SLCO1A2: variants seen among roughly 807,000 people sequenced by gnomAD.
SLCO1A2 encodes OATP-1.
SLCO1A2 carries 67 observed loss-of-function variants against 69.0 expected under a neutral mutation model. The observed-to-expected ratio is 0.97, with a 90% CI of 0.80 to 1.19. The LOEUF is 1.19. SLCO1A2 is among the 50% of genes most tolerant of loss of function. SLCO1A2 has a pLI of 0.00. For missense variants in SLCO1A2, 787 were observed against 793.7 expected (o/e 0.99, Z 0.10); for synonymous variants, 260 against 265.9 (o/e 0.98, Z 0.22).
chr12:21,366,458 C>T (rs1299694337), intron 2 of SLCO1A2, among the ~76,000 whole-genome samples: 2 of 151,924 alleles, frequency 1.3e-5, no homozygotes, highest in East Asian at 1.9e-4. Context: ...GACGAGTTGA[C>T]GGGTGCAGCA....
At chr12:21,353,591 G>T (rs1591872804) in intron 2 of SLCO1A2, among the ~76,000 whole-genome samples, 1 of 152,234 alleles carries the variant, frequency 6.6e-6, no homozygotes. Flanking sequence ...TCTCCCTTTT[G>T]GTTTAGCTCA....
intron 4 of SLCO1A2, among the ~76,000 whole-genome samples, chr12:21,307,455 T>C (rs1001510493): frequency 1.3e-5 from 2 of 152,134 alleles, no homozygotes; most frequent in African/African-American, 4.8e-5. Flanking sequence ...AACCGTACAA[T>C]AACTCCTCCA....
intron 14 of SLCO1A2, among the ~76,000 whole-genome samples, chr12:21,271,328 T>C (rs1942788465): frequency 6.6e-6 from 1 of 151,790 alleles, no homozygotes; most frequent in Non-Finnish European, 1.5e-5. Flanking sequence ...GAATTCAGCT[T>C]TGTTTACTCC....
intron 12 of SLCO1A2, among the ~76,000 whole-genome samples, chr12:21,285,215 A>G (rs1056002600): frequency 6.6e-6 from 1 of 151,966 alleles, no homozygotes; most frequent in African/African-American, 2.4e-5. Context: ...ACCATCAGAG[A>G]ATACTACAAA....
chr12:21,311,587 AT>A (rs1255262053), intron 4 of SLCO1A2: 1 of 151,178 alleles, frequency 6.6e-6, no homozygotes, highest in Non-Finnish European at 1.5e-5. Context: ...AACTAGATGC[AT>A]TGTCAATTAG....
At chr12:21,360,103 C>T (rs1207172318) in intron 2 of SLCO1A2, among the ~76,000 whole-genome samples, 1 of 151,382 alleles carries the variant, frequency 6.6e-6, no homozygotes, top group Non-Finnish European at 1.5e-5. Context: ...TCCATAGGAA[C>T]AAAACACACA....
chr12:21,289,028 A>G (rs954424597), intron 12 of SLCO1A2, among the ~76,000 whole-genome samples: 1 of 151,946 alleles, frequency 6.6e-6, no homozygotes, highest in Admixed American at 6.6e-5. Context: ...TACAAGCAAT[A>G]CAAATATAAA....
chr12:21,290,194 A>G (rs1946625999), intron 12 of SLCO1A2, among the ~76,000 whole-genome samples: 1 of 152,094 alleles, frequency 6.6e-6, no homozygotes, highest in Non-Finnish European at 1.5e-5. Context: ...AACTTTAAGG[A>G]TACAAAGGAA....
intron 2 of SLCO1A2, among the ~76,000 whole-genome samples, chr12:21,343,374 G>T (rs545143943): frequency 2.6e-5 from 4 of 152,192 alleles, no homozygotes; most frequent in Admixed American, 2.0e-4. Flanking sequence ...TACGCAGTAG[G>T]TGATCAATAA....
intron 12 of SLCO1A2, among the ~76,000 whole-genome samples, chr12:21,287,914 T>A (rs1946193427): frequency 1.7e-5 from 2 of 118,390 alleles, no homozygotes; most frequent in Non-Finnish European, 3.4e-5. Context: ...TAATGCTAGA[T>A]GACGAGTTAG....
At chr12:21,292,125 G>T (rs1946953405) in intron 12 of SLCO1A2, 39 bp downstream of exon 12, 2 of 1,432,786 alleles carry the variant, frequency 1.4e-6, no homozygotes, top group Admixed American at 2.5e-5. Context: ...CTTAATAAAT[G>T]ACCCCAAAAA....
chr12:21,396,143 A>G (rs1284136994), upstream of SLCO1A2, among the ~76,000 whole-genome samples: 3 of 151,496 alleles, frequency 2.0e-5, no homozygotes, highest in Non-Finnish European at 4.4e-5. Flanking sequence ...AGAAGAATGT[A>G]TAACTAGAAT....
At chr12:21,419,555 G>C (rs545770976), upstream of SLCO1A2, 2 of 155,804 alleles carry the variant, frequency 1.3e-5, no homozygotes, top group Admixed American at 1.3e-4. Flanking sequence ...CCCGCACCTG[G>C]CTCTGAGGGT....
intron 1 of SLCO1A2, chr12:21,403,474 G>A (rs962948217): frequency 3.3e-5 from 5 of 152,030 alleles, no homozygotes; most frequent in African/African-American, 1.2e-4. Flanking sequence ...AAGACCAACA[G>A]ATTTTTTAAA....
intron 2 of SLCO1A2, among the ~76,000 whole-genome samples, chr12:21,327,047 G>C (rs1178693077): frequency 6.6e-6 from 1 of 152,042 alleles, no homozygotes; most frequent in Non-Finnish European, 1.5e-5. Context: ...CAGAGGCCTA[G>C]GAGGAAAAAA....
intron 12 of SLCO1A2, among the ~76,000 whole-genome samples, chr12:21,288,827 AC>A (rs1946379832): frequency 1.3e-5 from 2 of 151,744 alleles, no homozygotes; most frequent in Non-Finnish European, 2.9e-5. Flanking sequence ...AATTAAAAAA[AC>A]TATATTTATA....
At chr12:21,340,425 C>T (rs1421129226) in intron 2 of SLCO1A2, among the ~76,000 whole-genome samples, 2 of 151,894 alleles carry the variant, frequency 1.3e-5, no homozygotes, top group South Asian at 2.1e-4. Context: ...TTTTGTAAGG[C>T]ATATAAAAAT....
At chr12:21,368,814 T>C (rs1018433504) in intron 2 of SLCO1A2, among the ~76,000 whole-genome samples, 9 of 152,162 alleles carry the variant, frequency 5.9e-5, no homozygotes, top group South Asian at 2.1e-4. Flanking sequence ...AATATTGATA[T>C]AATTCAAAAA....
chr12:21,393,032 C>CA (rs35419909), intron 1 of SLCO1A2, among the ~76,000 whole-genome samples: 87,841 of 151,580 alleles, frequency 0.58, 25,583 homozygotes, highest in Middle Eastern at 0.73. Context: ...CTCCTATTAT[C>CA]AATAATTCAT....
Sources: allele counts gnomAD v4.1 joint callset (sites outside exome capture counted in the v4.1 genomes callset), GRCh38; gene constraint gnomAD v4.1.1; transcripts MANE v1.5; gene names NCBI Gene and HGNC (gene_info 2026-07-23, HGNC 2026-07-21).